Variants in NALF1 observed in about 807,000 individuals in gnomAD.
The protein encoded by NALF1 is family with sequence similarity 155 member A.
In NALF1, 3 loss-of-function variants were observed where a neutral mutation model predicts 48.4. The observed-to-expected ratio is 0.06, with a 90% CI of 0.03 to 0.16. NALF1 has a LOEUF of 0.16. NALF1 is among the 10% of genes least tolerant of loss of function. The pLI, the probability that NALF1 is intolerant of heterozygous loss-of-function variation, is 1.00. For missense variants in NALF1, 526 were observed against 571.5 expected, an observed-to-expected ratio of 0.92 and a Z score of 0.81; for synonymous variants, 262 against 245.7, an observed-to-expected ratio of 1.07 and a Z score of -0.62.
intron 1 of NALF1, among the ~76,000 whole-genome samples, chr13:107,521,121 T>G (rs1453628439): frequency 6.6e-6 from 1 of 152,186 alleles, no homozygotes; most frequent in African/African-American, 2.4e-5. Flanking sequence ...CCAAACTCAC[T>G]GGATAAAATG....
At chr13:107,648,429 T>G (rs1880367292) in intron 1 of NALF1, among the ~76,000 whole-genome samples, 1 of 152,200 alleles carries the variant, frequency 6.6e-6, no homozygotes, top group African/African-American at 2.4e-5. Context: ...GTTGTAATCA[T>G]GCAGTACATA....
At chr13:107,370,509 T>C (rs1470826854) in intron 1 of NALF1, among the ~76,000 whole-genome samples, 2 of 152,186 alleles carry the variant, frequency 1.3e-5, no homozygotes, top group Non-Finnish European at 1.5e-5. Context: ...GAAATCAACA[T>C]AGCCTTCAGT....
intron 1 of NALF1, among the ~76,000 whole-genome samples, chr13:107,434,052 C>T (rs957626547): frequency 6.6e-6 from 1 of 152,144 alleles, no homozygotes; most frequent in African/African-American, 2.4e-5. Flanking sequence ...CAAGTGAGAA[C>T]TGAGAAGCTG....
chr13:107,798,286 G>A (rs1878495745), intron 1 of NALF1, among the ~76,000 whole-genome samples: 1 of 152,144 alleles, frequency 6.6e-6, no homozygotes, highest in Non-Finnish European at 1.5e-5. Flanking sequence ...TTAGTAAAAT[G>A]TACATTAAAT....
chr13:107,817,621 T>C (rs1363096692), intron 1 of NALF1, among the ~76,000 whole-genome samples: 1 of 152,238 alleles, frequency 6.6e-6, no homozygotes, highest in Non-Finnish European at 1.5e-5. Flanking sequence ...CACCTCTTTT[T>C]AAAATTTGTT....
chr13:107,453,021 C>G (rs1391411614), intron 1 of NALF1, among the ~76,000 whole-genome samples: 1 of 152,240 alleles, frequency 6.6e-6, no homozygotes. Flanking sequence ...CTCCCACAAC[C>G]TTGGACAGCT....
intron 2 of NALF1, among the ~76,000 whole-genome samples, chr13:107,196,337 T>G (rs1465708123): frequency 1.3e-5 from 2 of 152,114 alleles, no homozygotes; most frequent in Non-Finnish European, 2.9e-5. Flanking sequence ...CATTTATAAG[T>G]CTCTAGAATC....
chr13:107,172,698 C>T lies in NALF1; in HGVS notation c.1088-1912G>A, dbSNP rs7319625. Among the ~76,000 whole-genome samples, 985 of 152,074 alleles carry T rather than the reference C, an allele frequency of 6.5e-3. 5 individuals are homozygous for T. Among genetic ancestry groups the T allele is most frequent in the Middle Eastern group, 0.024 (7 of 294 alleles). On this transcript the variant is annotated intron_variant, in intron 2 of 2. Coordinates refer to ENST00000375915, the MANE Select transcript of NALF1 (RefSeq NM_001080396.3). The stretch of plus-strand genomic sequence containing the variant: ...TAGACTAATCATTTATTGAAATATA[C>T]GTTTCCAATACTACATTCTACAACA...
At chr13:107,361,826 C>T (rs1883065755) in intron 1 of NALF1, among the ~76,000 whole-genome samples, 1 of 152,182 alleles carries the variant, frequency 6.6e-6, no homozygotes, top group African/African-American at 2.4e-5. Flanking sequence ...CAGCTCTTCG[C>T]TGGTCTTCGC....
At chr13:107,536,978 G>C (rs1259393196) in intron 1 of NALF1, among the ~76,000 whole-genome samples, 1 of 152,054 alleles carries the variant, frequency 6.6e-6, no homozygotes, top group African/African-American at 2.4e-5. Flanking sequence ...ACTATCACAG[G>C]GACAAAAAAC....
chr13:107,191,833 A>ATTTTTTTTTTT (rs66566638), intron 2 of NALF1, among the ~76,000 whole-genome samples: 869 of 111,950 alleles, frequency 7.8e-3, no homozygotes, highest in African/African-American at 9.9e-3. Context: ...CACTATGCCT[A>ATTTTTTTTTTT]TTTTTTTTTT....
At chr13:107,302,330 T>G (rs1056207659) in intron 1 of NALF1, among the ~76,000 whole-genome samples, 2 of 152,180 alleles carry the variant, frequency 1.3e-5, no homozygotes, top group Non-Finnish European at 2.9e-5. Flanking sequence ...TATTCTGTTA[T>G]GAGCAACAGA....
At chr13:107,729,519 C>A (rs1203443864) in intron 1 of NALF1, among the ~76,000 whole-genome samples, 1 of 152,028 alleles carries the variant, frequency 6.6e-6, no homozygotes, top group African/African-American at 2.4e-5. Context: ...CTCTGTCACC[C>A]AGGCTGGAGT....
At chr13:107,648,492 G>C (rs999250318) in intron 1 of NALF1, among the ~76,000 whole-genome samples, 8 of 152,212 alleles carry the variant, frequency 5.3e-5, no homozygotes, top group African/African-American at 1.7e-4. Flanking sequence ...ATGTTTATCT[G>C]TGTCTTTTCG....
At chr13:107,666,347 T>C (rs558830018) in intron 1 of NALF1, among the ~76,000 whole-genome samples, 1 of 152,284 alleles carries the variant, frequency 6.6e-6, no homozygotes, top group East Asian at 1.9e-4. Flanking sequence ...TCGGTAGCCA[T>C]TGCTTTGATT....
chr13:107,854,897 A>T (rs1171871645), intron 1 of NALF1, among the ~76,000 whole-genome samples: 1 of 151,774 alleles, frequency 6.6e-6, no homozygotes, highest in East Asian at 1.9e-4. Flanking sequence ...AAAAAGACCT[A>T]TATGGAAACC....
At chr13:107,337,040 CCCCAAAAAAAAAAA>C (rs1566488684) in intron 1 of NALF1, among the ~76,000 whole-genome samples, 1 of 39,934 alleles carries the variant, frequency 2.5e-5, no homozygotes, top group African/African-American at 1.0e-4. Flanking sequence ...TTCTTTCATT[CCCCAAAAAAAAAAA>C]AAAAAAAAAA....
chr13:107,502,166 A>C (rs1402785022), intron 1 of NALF1, among the ~76,000 whole-genome samples: 2 of 152,172 alleles, frequency 1.3e-5, no homozygotes, highest in Admixed American at 1.3e-4. Context: ...TTTCATGAAA[A>C]TACAAATATG....
At chr13:107,267,560 C>T (rs947670152) in intron 1 of NALF1, among the ~76,000 whole-genome samples, 6 of 152,302 alleles carry the variant, frequency 3.9e-5, no homozygotes, top group African/African-American at 1.4e-4. Context: ...ATGTATTCCA[C>T]TCATTGGAGA....
Sources: gnomAD v4.1 joint callset for allele counts (sites outside exome capture counted in the v4.1 genomes callset) on GRCh38, gnomAD v4.1.1 for gene constraint, MANE v1.5 for transcripts, NCBI Gene and HGNC (gene_info 2026-07-23, HGNC 2026-07-21) for gene names.